ANK2: variants seen among roughly 807,000 people sequenced by gnomAD.
ANK2 encodes the protein ankyrin-2.
ANK2 carries 83 observed loss-of-function variants against 360.5 expected under a neutral mutation model. The ratio of observed to expected loss-of-function variants is 0.23; its 90% CI spans 0.19 to 0.28. ANK2 has a LOEUF of 0.28. Among genes scored for constraint, ANK2 ranks in the 10% least tolerant of loss-of-function variants. The probability of loss-of-function intolerance (pLI) is 1.00; values close to 1 mark genes in which losing one functional copy is unlikely to be tolerated. For synonymous variants in ANK2, 1,740 were observed against 1,759.5 expected, an observed-to-expected ratio of 0.99 and a Z score of 0.28; for missense variants, 4,201 against 4,795.7, an observed-to-expected ratio of 0.88 and a Z score of 3.66.
chr4:113,267,977 G>A (rs2056914043), intron 14 of ANK2, among the ~76,000 whole-genome samples: 2 of 152,184 alleles, frequency 1.3e-5, no homozygotes. Flanking sequence ...TCCCTTGTAA[G>A]TTGTATTCCT....
chr4:113,073,107 G>A (rs953429061), intron 1 of ANK2, among the ~76,000 whole-genome samples: 8 of 151,414 alleles, frequency 5.3e-5, no homozygotes, highest in South Asian at 2.1e-4. Context: ...GATTACAGGC[G>A]CCCACCACCA....
intron 4 of ANK2, among the ~76,000 whole-genome samples, chr4:113,218,451 C>CAAAAAA (rs36042626): frequency 1.5e-5 from 2 of 134,442 alleles, no homozygotes; most frequent in African/African-American, 2.7e-5. Context: ...ATTAAATGAC[C>CAAAAAA]AAAAAAAAAA....
intron 45 of ANK2, 173 bp downstream of exon 45, chr4:113,373,622 A>G (rs747478533): frequency 2.9e-5 from 23 of 801,550 alleles, no homozygotes; most frequent in South Asian, 2.3e-4. Flanking sequence ...TGATTTTAAG[A>G]CAGCCATCAG....
At chr4:112,987,038 C>T (rs2045127047) in intron 2 of ANK2, among the ~76,000 whole-genome samples, 1 of 152,174 alleles carries the variant, frequency 6.6e-6, no homozygotes, top group Non-Finnish European at 1.5e-5. Context: ...AGCTAAAACA[C>T]ACACAAAAAA....
chr4:113,286,400 C>T (rs2064610502), intron 18 of ANK2, among the ~76,000 whole-genome samples: 1 of 152,146 alleles, frequency 6.6e-6, no homozygotes, highest in African/African-American at 2.4e-5. Flanking sequence ...GCTCCAGGCC[C>T]ACAAGGAAAA....
chr4:112,787,043 C>G, the ANK2 span, among the ~76,000 whole-genome samples: 3 of 152,162 alleles, frequency 2.0e-5, no homozygotes, highest in African/African-American at 7.2e-5. Context: ...GCCATCACAC[C>G]TGGCCAAAAT....
intron 2 of ANK2, among the ~76,000 whole-genome samples, chr4:112,994,433 C>T (rs1461565976): frequency 6.6e-6 from 1 of 152,118 alleles, no homozygotes; most frequent in African/African-American, 2.4e-5. Flanking sequence ...AAAATTCGAA[C>T]ATTTCTATCT....
chr4:113,260,811 C>G (rs1183337039), intron 13 of ANK2, among the ~76,000 whole-genome samples: 1 of 152,164 alleles, frequency 6.6e-6, no homozygotes, highest in Non-Finnish European at 1.5e-5. Flanking sequence ...GAGGATATAG[C>G]TACTGGATCC....
At chr4:113,205,219 G>A (rs1424530050) in intron 4 of ANK2, among the ~76,000 whole-genome samples, 4 of 108,034 alleles carry the variant, frequency 3.7e-5, no homozygotes, top group African/African-American at 1.5e-4. Flanking sequence ...CTGGGCGACA[G>A]AGCAAGACTC....
chr4:112,793,593 A>G, the ANK2 span, among the ~76,000 whole-genome samples: 10 of 152,200 alleles, frequency 6.6e-5, 1 homozygote, highest in African/African-American at 2.4e-4. Context: ...TTACTGAATA[A>G]CCAAATGATA....
At chr4:113,048,292 T>A (rs1366569900), upstream of ANK2, among the ~76,000 whole-genome samples, 70 of 118,208 alleles carry the variant, frequency 5.9e-4, no homozygotes, top group African/African-American at 1.9e-3. Context: ...TTTTTTTTTT[T>A]TTTTTTTTTT....
At chr4:112,818,385 G>C (rs1036214238) in intron 1 of ANK2, 1 of 152,204 alleles carries the variant, frequency 6.6e-6, no homozygotes, top group Admixed American at 6.5e-5. Context: ...GCTGGGCAGC[G>C]GCGCTTTCCA....
At chr4:112,992,162 TA>T (rs2047046026) in intron 2 of ANK2, among the ~76,000 whole-genome samples, 1 of 151,866 alleles carries the variant, frequency 6.6e-6, no homozygotes, top group African/African-American at 2.4e-5. Flanking sequence ...TTTTTTTTTT[TA>T]GACGGAGTTT....
intron 18 of ANK2, among the ~76,000 whole-genome samples, chr4:113,284,106 T>C (rs1413522053): frequency 6.6e-6 from 1 of 152,180 alleles, no homozygotes; most frequent in African/African-American, 2.4e-5. Context: ...GAGCAAATTA[T>C]AGGGTTAGTC....
intron 4 of ANK2, among the ~76,000 whole-genome samples, chr4:113,204,497 A>G (rs968028961): frequency 6.6e-6 from 1 of 152,228 alleles, no homozygotes; most frequent in African/African-American, 2.4e-5. Flanking sequence ...ACAGCCCAGT[A>G]ATAATATCTT....
intron 2 of ANK2, among the ~76,000 whole-genome samples, chr4:112,960,920 G>A (rs945567577): frequency 6.6e-6 from 1 of 152,018 alleles, no homozygotes; most frequent in East Asian, 1.9e-4. Flanking sequence ...TTTTTCATAA[G>A]GCTTGAATCA....
the ANK2 span, among the ~76,000 whole-genome samples, chr4:112,776,030 G>A: frequency 1.3e-5 from 2 of 152,228 alleles, no homozygotes; most frequent in South Asian, 2.1e-4. Context: ...TAACTACTAC[G>A]TTCTGAGAAG....
intron 45 of ANK2, chr4:113,375,042 G>A: frequency 3.6e-6 from 2 of 555,898 alleles, no homozygotes. Context: ...TTCTATACAT[G>A]AATTCATGGA....
intron 2 of ANK2, among the ~76,000 whole-genome samples, chr4:113,006,721 T>C (rs959095753): frequency 6.6e-6 from 1 of 152,216 alleles, no homozygotes; most frequent in African/African-American, 2.4e-5. Flanking sequence ...GAAATATCAA[T>C]ACAATTTTAA....
Sources: allele counts gnomAD v4.1 joint callset (sites outside exome capture counted in the v4.1 genomes callset), GRCh38; gene constraint gnomAD v4.1.1; transcripts MANE v1.5; gene names NCBI Gene and HGNC (gene_info 2026-07-23, HGNC 2026-07-21).